The following ADAMTS16 variants were observed in gnomAD, a reference collection of about 807,000 sequenced individuals.
ADAMTS16 encodes the protein ADAM metallopeptidase with thrombospondin type 1 motif 16.
A neutral mutation model predicts 145.8 loss-of-function variants in ADAMTS16; 94 were observed. The ratio of observed to expected loss-of-function variants is 0.64; its 90% CI spans 0.55 to 0.77. ADAMTS16 has a LOEUF of 0.77. ADAMTS16 is among the 30% of genes least tolerant of loss of function. The probability of loss-of-function intolerance (pLI) is 0.00; values close to 1 mark genes in which losing one functional copy is unlikely to be tolerated. For missense variants in ADAMTS16, 1,585 were observed against 1,591.5 expected (o/e 1.00, Z 0.07); for synonymous variants, 659 against 604.3 (o/e 1.09, Z -1.33).
chr5:5,261,074 T>C (rs1026139386), intron 17 of ADAMTS16, among the ~76,000 whole-genome samples: 10 of 152,196 alleles, frequency 6.6e-5, no homozygotes, highest in African/African-American at 2.4e-4. Context: ...AAATCACTCT[T>C]AGATCTGAAT....
At chr5:5,244,864 A>G (rs756877417) in intron 17 of ADAMTS16, among the ~76,000 whole-genome samples, 4 of 152,168 alleles carry the variant, frequency 2.6e-5, no homozygotes, top group Non-Finnish European at 5.9e-5. Flanking sequence ...TTTCATGGCC[A>G]TTCAGGGTGA....
intron 5 of ADAMTS16, among the ~76,000 whole-genome samples, chr5:5,187,284 C>T (rs551324547): frequency 1.7e-4 from 26 of 152,306 alleles, no homozygotes; most frequent in East Asian, 5.8e-4. Flanking sequence ...CCTCTGATAT[C>T]ACCTCTAATT....
At chr5:5,198,916 T>G (rs558301543) in intron 8 of ADAMTS16, among the ~76,000 whole-genome samples, 1 of 152,300 alleles carries the variant, frequency 6.6e-6, no homozygotes, top group African/African-American at 2.4e-5. Flanking sequence ...CCTTCTTTGC[T>G]TTCCCTCTCT....
intron 18 of ADAMTS16, among the ~76,000 whole-genome samples, chr5:5,282,024 C>T (rs1164299240): frequency 2.2e-5 from 1 of 44,704 alleles, no homozygotes; most frequent in Non-Finnish European, 6.5e-5. Flanking sequence ...CATTGGTTTG[C>T]TCAGAACAGT....
intron 18 of ADAMTS16, among the ~76,000 whole-genome samples, chr5:5,292,299 C>T (rs1460850688): frequency 6.6e-6 from 1 of 151,816 alleles, no homozygotes; most frequent in Non-Finnish European, 1.5e-5. Context: ...AGTTTGAGAC[C>T]AGCCTGGCCA....
intron 18 of ADAMTS16, among the ~76,000 whole-genome samples, chr5:5,272,250 C>A (rs1333358854): frequency 6.6e-6 from 1 of 152,028 alleles, no homozygotes; most frequent in Admixed American, 6.6e-5. Context: ...TCCCAAGCAG[C>A]AGGATGGGCT....
chr5:5,283,928 A>T (rs1739019427), intron 18 of ADAMTS16, among the ~76,000 whole-genome samples: 1 of 152,058 alleles, frequency 6.6e-6, no homozygotes, highest in South Asian at 2.1e-4. Context: ...TTTCTTTATA[A>T]TTTTTTATAC....
intron 3 of ADAMTS16, among the ~76,000 whole-genome samples, chr5:5,150,440 A>G (rs920325209): frequency 6.6e-6 from 1 of 152,224 alleles, no homozygotes; most frequent in Non-Finnish European, 1.5e-5. Flanking sequence ...GGGCCGGTGC[A>G]CAAGGCTCAA....
chr5:5,200,415 A>C, intron 9 of ADAMTS16, 146 bp downstream of exon 9: 1 of 1,080,686 alleles, frequency 9.3e-7, no homozygotes, highest in Non-Finnish European at 1.3e-6. Context: ...AGTTGACCGA[A>C]GAGTTTGCTA....
intron 12 of ADAMTS16, among the ~76,000 whole-genome samples, chr5:5,233,860 G>A (rs1249033407): frequency 6.6e-6 from 1 of 152,218 alleles, no homozygotes; most frequent in Non-Finnish European, 1.5e-5. Flanking sequence ...TATATACTCA[G>A]TAATGGGATT....
chr5:5,251,676 G>T (rs541988681), intron 17 of ADAMTS16, among the ~76,000 whole-genome samples: 1 of 152,316 alleles, frequency 6.6e-6, no homozygotes, highest in African/African-American at 2.4e-5. Context: ...GTGCCTACCA[G>T]GGGTAAGATC....
intron 7 of ADAMTS16, 47 bp downstream of exon 7, chr5:5,190,177 C>T (rs1228923057): frequency 5.3e-6 from 8 of 1,507,472 alleles, no homozygotes; most frequent in African/African-American, 1.4e-5. Context: ...GAATGTGCAC[C>T]CCTGGCCGTG....
intron 8 of ADAMTS16, among the ~76,000 whole-genome samples, chr5:5,192,828 ATCG>A (rs1735701468): frequency 6.6e-6 from 1 of 152,198 alleles, no homozygotes; most frequent in Non-Finnish European, 1.5e-5. Flanking sequence ...ACCTTGAAGT[ATCG>A]TCTGTTAAAT....
intron 3 of ADAMTS16, among the ~76,000 whole-genome samples, chr5:5,165,235 G>A (rs1734842504): frequency 6.6e-6 from 1 of 152,130 alleles, no homozygotes; most frequent in African/African-American, 2.4e-5. Context: ...CTTTTGCCAA[G>A]TATAATGTGT....
In ADAMTS16 at chr5:5,269,434, G is replaced by C. The variant is rs1025750105; in HGVS notation, c.2789+6651G>C. 3.3e-5 allele frequency among the ~76,000 whole-genome samples: 5 copies of C among 152,016 alleles called. No individual in the cohort carries two copies. The highest frequency in any genetic ancestry group is 1.2e-4 in the African/African-American group (5 of 41,392). On this transcript the variant is annotated intron_variant, in intron 18 of 22. Transcript: ENST00000274181. The surrounding 1 kb of genome is among the most constrained non-coding windows in gnomAD (Gnocchi z 4.3). ...ACACAATCCTTACACCTGCCCCTGG[G>C]TCATTTGCTCCCCACCTCCCAGGAC...
chr5:5,232,365 T>A lies in ADAMTS16; in HGVS notation c.1702-3T>A, dbSNP rs527567581. 1 of 1,613,984 alleles carries A rather than the reference T, an allele frequency of 6.2e-7. No homozygotes were observed. The highest frequency in any genetic ancestry group is 1.3e-5 in the African/African-American group (1 of 74,992). ...GTCAACTTATTTATGTTGAAAATTTTAGTGGTGCCGGGGAGGACAGTGTGT... is the reference window on the plus strand; with the variant it reads ...GTCAACTTATTTATGTTGAAAATTTAAGTGGTGCCGGGGAGGACAGTGTGT... On this transcript the variant is annotated splice_region_variant and splice_polypyrimidine_tract_variant and intron_variant, in intron 11 of 22. Transcript: ENST00000274181.
intron 8 of ADAMTS16, among the ~76,000 whole-genome samples, chr5:5,198,177 C>A (rs1560944930): frequency 6.6e-6 from 1 of 152,180 alleles, no homozygotes; most frequent in Admixed American, 6.5e-5. Context: ...TCTTCATTAG[C>A]AGCTCAAGGG....
At chr5:5,211,813 G>T (rs115423709) in intron 10 of ADAMTS16, among the ~76,000 whole-genome samples, 1 of 151,898 alleles carries the variant, frequency 6.6e-6, no homozygotes, top group African/African-American at 2.4e-5. Flanking sequence ...AACATATTAC[G>T]TAGAAATATA....
chr5:5,201,811 A>G (rs906867876), intron 9 of ADAMTS16, among the ~76,000 whole-genome samples: 4 of 152,190 alleles, frequency 2.6e-5, no homozygotes, highest in Admixed American at 2.0e-4. Context: ...ACTGAGAACT[A>G]AGAACAAAGT....
Sources: gnomAD v4.1 joint callset for allele counts (sites outside exome capture counted in the v4.1 genomes callset) on GRCh38, gnomAD v4.1.1 for gene constraint, Gnocchi (gnomAD v3.1) non-coding constraint, MANE v1.5 for transcripts, NCBI Gene and HGNC (gene_info 2026-07-23, HGNC 2026-07-21) for gene names.